TTC6: variants seen among roughly 807,000 people sequenced by gnomAD.
TTC6 encodes the protein tetratricopeptide repeat protein 6.
A neutral mutation model predicts 210.4 loss-of-function variants in TTC6; 172 were observed. That is an observed-to-expected ratio of 0.82 (90% CI 0.72 to 0.93). The LOEUF (loss-of-function observed/expected upper bound fraction) is 0.93. TTC6 is among the 40% of genes least tolerant of loss of function. TTC6 has a pLI of 0.00. For missense variants in TTC6, 2,414 were observed against 2,318.1 expected (o/e 1.04, Z -0.85); for synonymous variants, 804 against 819.6 (o/e 0.98, Z 0.32).
chr14:37,730,422 G>A (rs10151208), intron 7 of TTC6, among the ~76,000 whole-genome samples: 84,190 of 151,912 alleles, frequency 0.55, 24,082 homozygotes, highest in African/African-American at 0.7. Context: ...TGAAGGATTG[G>A]CTTTAAAATG....
At chr14:37,608,609 C>G (rs1054108134) in intron 2 of TTC6, among the ~76,000 whole-genome samples, 1 of 152,036 alleles carries the variant, frequency 6.6e-6, no homozygotes, top group Non-Finnish European at 1.5e-5. Flanking sequence ...TGCTTGCAAG[C>G]CTTATCTACA....
At chr14:37,753,872 T>C (rs1330103125) in intron 14 of TTC6, among the ~76,000 whole-genome samples, 1 of 152,112 alleles carries the variant, frequency 6.6e-6, no homozygotes, top group East Asian at 1.9e-4. Flanking sequence ...ACAGTTTTCA[T>C]TTGTACATAG....
At chr14:37,634,103 G>A (rs1349740685) in intron 1 of TTC6, among the ~76,000 whole-genome samples, 1 of 151,562 alleles carries the variant, frequency 6.6e-6, no homozygotes, top group Non-Finnish European at 1.5e-5. Context: ...CAATTTGAAA[G>A]AAAAAAAAGA....
rs1238654861 is a variant in TTC6 at position 37,636,638 on chromosome 14, A to T, written c.939+13635A>T. Among the ~76,000 whole-genome samples, 7 of 152,318 alleles carry T rather than the reference A, an allele frequency of 4.6e-5. No individual in the cohort carries two copies. In the East Asian group the frequency reaches 1.4e-3, roughly 29 times the overall value. ...TGATGAGGGGAAAATTAATAGCACT[A>T]AATGTATACATTAGGAAAGAGAAAA... On this transcript the variant is annotated intron_variant, in intron 1 of 30. Coordinates refer to ENST00000553443, the Ensembl canonical transcript of TTC6.
chr14:37,732,368 A>G (rs930512535), intron 7 of TTC6, among the ~76,000 whole-genome samples: 2 of 150,814 alleles, frequency 1.3e-5, no homozygotes, highest in African/African-American at 2.4e-5. Context: ...ATTTTTTAGT[A>G]CAGATGGGGT....
intron 1 of TTC6, among the ~76,000 whole-genome samples, chr14:37,679,120 G>A (rs1007264228): frequency 6.6e-6 from 1 of 152,106 alleles, no homozygotes; most frequent in African/African-American, 2.4e-5. Context: ...CACTCAGGAG[G>A]CTGAGGTGAA....
intron 1 of TTC6, among the ~76,000 whole-genome samples, chr14:37,627,004 G>T (rs1229276373): frequency 6.6e-6 from 1 of 152,148 alleles, no homozygotes; most frequent in African/African-American, 2.4e-5. Flanking sequence ...GGAGGTGTTT[G>T]GGTCATGGTG....
At chr14:37,701,338 A>G (rs1191583099) in exon 5 of TTC6, 4 of 1,401,932 alleles carry the variant, frequency 2.9e-6, no homozygotes, top group South Asian at 1.6e-5. Context: ...GCAGAATTCC[A>G]CAAGACTACT....
chr14:37,776,968 T>A (rs1175036871), intron 14 of TTC6, among the ~76,000 whole-genome samples: 2 of 152,222 alleles, frequency 1.3e-5, no homozygotes, highest in Non-Finnish European at 2.9e-5. Flanking sequence ...AGGTCTGCTG[T>A]TAGCCTAATG....
intron 26 of TTC6, among the ~76,000 whole-genome samples, chr14:37,821,629 C>T (rs140734556): frequency 6.6e-6 from 1 of 152,054 alleles, no homozygotes; most frequent in East Asian, 1.9e-4. Flanking sequence ...ATTGCATGTA[C>T]CTGTTATTTT....
At chr14:37,646,705 T>G (rs549625104) in intron 1 of TTC6, among the ~76,000 whole-genome samples, 1 of 152,316 alleles carries the variant, frequency 6.6e-6, no homozygotes, top group African/African-American at 2.4e-5. Context: ...CTAATTTAAT[T>G]ATGATTGGTT....
chr14:37,612,760 G>A (rs2095636718), intron 2 of TTC6, among the ~76,000 whole-genome samples: 1 of 152,078 alleles, frequency 6.6e-6, no homozygotes, highest in Admixed American at 6.5e-5. Context: ...AGTGTAAGTG[G>A]AATTTTAAAA....
exon 1 of TTC6, chr14:37,622,471 C>G (rs1226040666): frequency 6.5e-7 from 1 of 1,535,242 alleles, no homozygotes; most frequent in Non-Finnish European, 8.7e-7. Flanking sequence ...CTGAAAAAGC[C>G]CCCAGTCATC....
intron 5 of TTC6, among the ~76,000 whole-genome samples, chr14:37,710,811 C>T (rs2095843422): frequency 6.6e-6 from 1 of 152,120 alleles, no homozygotes; most frequent in Non-Finnish European, 1.5e-5. Flanking sequence ...ATAAGTGTAT[C>T]AATTCCCAGG....
chr14:37,740,494 G>T (rs10467769), intron 10 of TTC6, among the ~76,000 whole-genome samples: 34,595 of 151,106 alleles, frequency 0.23, 4,882 homozygotes, highest in Non-Finnish European at 0.31. Flanking sequence ...AAAAAAAATT[G>T]TTCACTTTAT....
intron 14 of TTC6, among the ~76,000 whole-genome samples, chr14:37,765,079 C>T (rs2095994695): frequency 6.6e-6 from 1 of 151,812 alleles, no homozygotes; most frequent in Non-Finnish European, 1.5e-5. Flanking sequence ...AACTTAGTTT[C>T]AATAGTCTAT....
chr14:37,814,218 C>T (rs1191678640), intron 25 of TTC6, among the ~76,000 whole-genome samples: 1 of 152,146 alleles, frequency 6.6e-6, no homozygotes, highest in East Asian at 1.9e-4. Context: ...CTCTTCTCTC[C>T]ACTAGTCATG....
chr14:37,670,474 C>CCTTTTTTTTTTTTTTTTTTTTTTTTT lies in TTC6; in HGVS notation c.940-9677_940-9676insCTTTTTTTTTTTTTTTTTTTTTTTTT, dbSNP rs532690678. 8.2e-5 allele frequency among the ~76,000 whole-genome samples: 10 copies of CCTTTTTTTTTTTTTTTTTTTTTTTTT among 121,328 alleles called. 4 individuals carry two copies. The highest frequency in any genetic ancestry group is 5.0e-5 in the Non-Finnish European group (3 of 59,544). The allele number at this position is 121,328 out of a possible 152,430, so 79.6% of individuals were successfully genotyped here. On this transcript the variant is annotated intron_variant, in intron 1 of 30. Transcript: ENST00000553443. The stretch of plus-strand genomic sequence containing the variant: ...TAAGGATCTAGCACAAACTACCTCA[C>CCTTTTTTTTTTTTTTTTTTTTTTTTT]TTTTTTTTTTTTTTTTTTTTTAGTC...
At chr14:37,706,142 G>T (rs1472932704) in intron 5 of TTC6, among the ~76,000 whole-genome samples, 3 of 152,112 alleles carry the variant, frequency 2.0e-5, no homozygotes, top group African/African-American at 7.2e-5. Flanking sequence ...AGTGCTTGGG[G>T]GAGGGATTCT....
Sources: allele counts gnomAD v4.1 joint callset (sites outside exome capture counted in the v4.1 genomes callset), GRCh38; gene constraint gnomAD v4.1.1; transcripts MANE v1.5; gene names NCBI Gene and HGNC (gene_info 2026-07-23, HGNC 2026-07-21).